The following CAMKMT variants were observed in gnomAD, a reference collection of about 807,000 sequenced individuals.
CAMKMT encodes the protein calmodulin-lysine N-methyltransferase, also known as CaM KMT.
CAMKMT carries 53 observed loss-of-function variants against 48.0 expected under a neutral mutation model. The ratio of observed to expected loss-of-function variants is 1.10; its 90% confidence interval spans 0.89 to 1.39. The LOEUF (loss-of-function observed/expected upper bound fraction) is 1.39, where lower values mean the gene tolerates loss of function less well. Ranked by LOEUF, CAMKMT falls within the 40% of genes most tolerant of loss-of-function variation. CAMKMT has a pLI of 0.00. For missense variants in CAMKMT, 428 were observed against 402.7 expected, an observed-to-expected ratio of 1.06 and a Z score of -0.54; for synonymous variants, 165 against 152.3, an observed-to-expected ratio of 1.08 and a Z score of -0.61.
intron 1 of CAMKMT, among the ~76,000 whole-genome samples, chr2:44,364,897 C>G (rs1037378999): frequency 6.6e-6 from 1 of 152,094 alleles, no homozygotes; most frequent in Non-Finnish European, 1.5e-5. Flanking sequence ...ATTTTAAACC[C>G]CTGCTCACAT....
rs148211781 is a variant in CAMKMT at position 44,518,123 on chromosome 2, A to G, written c.376+127818A>G. Among the ~76,000 whole-genome samples the G allele has an allele frequency of 3.1e-3, 470 of 152,144 alleles. 2 individuals carry two copies. The highest frequency in any genetic ancestry group is 0.01 in the African/African-American group (435 of 41,514). On this transcript the variant is annotated intron_variant, in intron 3 of 10. Coordinates refer to ENST00000378494, the MANE Select transcript of CAMKMT (RefSeq NM_024766.5). ...CCTCTACTATTCAATTTTGGAGGAG[A>G]GATAATGTAGGAGTATGGAAAAGGA...
chr2:44,630,611 G>GA (rs1672756498), intron 3 of CAMKMT, among the ~76,000 whole-genome samples: 1 of 151,806 alleles, frequency 6.6e-6, no homozygotes, highest in South Asian at 2.1e-4. Context: ...CTTCTCAAAA[G>GA]AAGACATTTA....
chr2:44,523,045 C>G (rs1558675707), intron 3 of CAMKMT, among the ~76,000 whole-genome samples: 1 of 152,138 alleles, frequency 6.6e-6, no homozygotes, highest in Admixed American at 6.5e-5. Context: ...CTCTAGAGTA[C>G]TGTTCCAAAA....
At chr2:44,634,048 A>G (rs1026815920) in intron 3 of CAMKMT, among the ~76,000 whole-genome samples, 3 of 152,004 alleles carry the variant, frequency 2.0e-5, no homozygotes, top group Non-Finnish European at 4.4e-5. Context: ...TGCCTCTGTT[A>G]TTTAATAATA....
chr2:44,552,605 G>A (rs927593106), intron 3 of CAMKMT, among the ~76,000 whole-genome samples: 10 of 152,078 alleles, frequency 6.6e-5, no homozygotes, highest in African/African-American at 2.4e-4. Flanking sequence ...GAGCACTTAC[G>A]TTTCAGGAAC....
intron 3 of CAMKMT, among the ~76,000 whole-genome samples, chr2:44,468,698 T>A (rs1479883731): frequency 2.7e-4 from 41 of 152,082 alleles, no homozygotes; most frequent in Middle Eastern, 3.2e-3. Flanking sequence ...GAGAGAGGAT[T>A]GTTTGAACCT....
chr2:44,457,746 C>G (rs1010335191), intron 3 of CAMKMT, among the ~76,000 whole-genome samples: 2 of 152,088 alleles, frequency 1.3e-5, no homozygotes, highest in African/African-American at 4.8e-5. Flanking sequence ...GTCTTTGAAA[C>G]TAGAAATAAG....
intron 3 of CAMKMT, among the ~76,000 whole-genome samples, chr2:44,427,903 C>T (rs1354326290): frequency 6.6e-6 from 1 of 152,160 alleles, no homozygotes; most frequent in Non-Finnish European, 1.5e-5. Flanking sequence ...GCCCAAACCC[C>T]TTGTGGGAAA....
chr2:44,614,936 C>CTTTTTTTG (rs1671792336), intron 3 of CAMKMT, among the ~76,000 whole-genome samples: 1 of 48,990 alleles, frequency 2.0e-5, no homozygotes, highest in Non-Finnish European at 3.3e-5. Context: ...GGTCTCCTTG[C>CTTTTTTTG]TTTTTTTTTT....
chr2:44,723,863 C>G (rs1344930862), intron 7 of CAMKMT: 1 of 152,140 alleles, frequency 6.6e-6, no homozygotes, highest in Non-Finnish European at 1.5e-5. Flanking sequence ...TCGCCTTTCT[C>G]CCAGCCTTAT....
chr2:44,537,041 A>C (rs561010236), intron 3 of CAMKMT, among the ~76,000 whole-genome samples: 5 of 152,208 alleles, frequency 3.3e-5, no homozygotes, highest in Non-Finnish European at 7.3e-5. Context: ...TAAATATCAG[A>C]TCCCAAACTA....
rs542285514 is a variant in CAMKMT, at chr2:44,503,677, G to A, written c.376+113372G>A. Among the ~76,000 whole-genome samples the A allele has an allele frequency of 4.6e-5, 7 of 152,236 alleles. No individual in the cohort carries two copies. The East Asian group carries it at 7.7e-4, about 17-fold the overall frequency. ...CTTCTAGGCTTCTTCATTTGTCCAC[G>A]TGAAGTCTGTCCAAACCCAGTGTGA... On this transcript the variant is annotated intron_variant, in intron 3 of 10. Coordinates refer to ENST00000378494, the MANE Select transcript of CAMKMT (RefSeq NM_024766.5).
chr2:44,545,143 A>G (rs554027037), intron 3 of CAMKMT, among the ~76,000 whole-genome samples: 34 of 152,294 alleles, frequency 2.2e-4, no homozygotes, highest in Non-Finnish European at 3.7e-4. Context: ...TTTCCCTTAC[A>G]TAGACCTCAA....
intron 8 of CAMKMT, among the ~76,000 whole-genome samples, chr2:44,744,943 A>G (rs1414320292): frequency 1.3e-5 from 2 of 152,306 alleles, no homozygotes; most frequent in East Asian, 3.9e-4. Context: ...CTGACTAATC[A>G]ATGATAATGT....
rs139153135 is a variant in CAMKMT at position 44,496,375 on chromosome 2, C to G, written c.376+106070C>G. On this transcript the variant is annotated intron_variant, in intron 3 of 10. Transcript: ENST00000378494. The stretch of plus-strand genomic sequence containing the variant: ...GAGTGAAGGTTAAAGGTAAACACTC[C>G]CTACTGATTCAAAGAAACACGGGCA... Among the ~76,000 whole-genome samples the G allele has an allele frequency of 5.3e-5, 8 of 152,204 alleles. No individual in the cohort carries two copies. In the East Asian group the frequency reaches 1.5e-3, roughly 29 times the overall value.
At chr2:44,573,615 G>T (rs1434740318) in intron 3 of CAMKMT, among the ~76,000 whole-genome samples, 1 of 151,882 alleles carries the variant, frequency 6.6e-6, no homozygotes, top group Non-Finnish European at 1.5e-5. Flanking sequence ...TCTGGCTTTT[G>T]TGTTTTGTTA....
intron 3 of CAMKMT, among the ~76,000 whole-genome samples, chr2:44,431,707 C>T (rs1269245023): frequency 6.6e-6 from 1 of 152,158 alleles, no homozygotes; most frequent in African/African-American, 2.4e-5. Flanking sequence ...GCTCCTCTCA[C>T]ATTCTATTGT....
intron 3 of CAMKMT, among the ~76,000 whole-genome samples, chr2:44,472,493 C>T (rs1049148267): frequency 1.3e-5 from 2 of 152,172 alleles, no homozygotes; most frequent in African/African-American, 2.4e-5. Flanking sequence ...TTTGCATCAG[C>T]CCCCAAAATC....
chr2:44,514,903 T>C (rs1032530725), intron 3 of CAMKMT, among the ~76,000 whole-genome samples: 5 of 152,204 alleles, frequency 3.3e-5, no homozygotes, highest in Non-Finnish European at 7.3e-5. Flanking sequence ...TCATAGGATA[T>C]GGCTGCTATG....
Sources: allele counts gnomAD v4.1 joint callset (sites outside exome capture counted in the v4.1 genomes callset), GRCh38; gene constraint gnomAD v4.1.1; transcripts MANE v1.5; gene names NCBI Gene and HGNC (gene_info 2026-07-23, HGNC 2026-07-21).